CCDC146: variants seen among roughly 807,000 people sequenced by gnomAD.
The protein encoded by CCDC146 is coiled-coil domain-containing protein 146.
In CCDC146, 92 loss-of-function variants were observed where a neutral mutation model predicts 119.3. The observed-to-expected ratio is 0.77, with a 90% CI of 0.65 to 0.92. CCDC146 has a LOEUF of 0.92. CCDC146 is among the 40% of genes least tolerant of loss of function. CCDC146 has a pLI of 0.00. For synonymous variants in CCDC146, 372 were observed against 371.8 expected (o/e 1.00, Z -0.01); for missense variants, 1,000 against 1,103.0 (o/e 0.91, Z 1.32).
At chr7:77,206,747 GTATGT>G (rs1171822792) in intron 2 of CCDC146, among the ~76,000 whole-genome samples, 3 of 149,572 alleles carry the variant, frequency 2.0e-5, no homozygotes, top group African/African-American at 7.4e-5. Context: ...TTTATATATT[GTATGT>G]TATATGTCAT....
chr7:77,200,042 T>C (rs1474819279), intron 2 of CCDC146, among the ~76,000 whole-genome samples: 1 of 152,236 alleles, frequency 6.6e-6, no homozygotes, highest in Non-Finnish European at 1.5e-5. Flanking sequence ...CCAACAAGAT[T>C]CACTTTCATA....
In CCDC146 at chr7:77,267,432, G is replaced by A. The variant is rs75591198; in HGVS notation, c.1173+5125G>A. Among the ~76,000 whole-genome samples, 144 of 152,140 alleles carry A rather than the reference G, an allele frequency of 9.5e-4. No individual in the cohort carries two copies. In the East Asian group the frequency reaches 0.025, roughly 27 times the overall value. On this transcript the variant is annotated intron_variant, in intron 9 of 18. Transcript: ENST00000285871. The stretch of plus-strand genomic sequence containing the variant: ...AATCAAGTCATCTTCCTAATCAAGC[G>A]CTGTTTCTTCAGCCAGTTCTTTTGG...
chr7:77,158,980 T>C (rs1397544281), intron 1 of CCDC146, among the ~76,000 whole-genome samples: 2 of 152,142 alleles, frequency 1.3e-5, no homozygotes, highest in East Asian at 1.9e-4. Flanking sequence ...TTTCCTTTTT[T>C]AAAAAAACAC....
intron 1 of CCDC146, among the ~76,000 whole-genome samples, chr7:77,146,598 A>C (rs1279459939): frequency 2.0e-5 from 3 of 152,166 alleles, no homozygotes; most frequent in South Asian, 4.1e-4. Context: ...CTTTTAGGGA[A>C]AGCCTGGTGG....
chr7:77,286,577 C>T (rs978754047), intron 15 of CCDC146, among the ~76,000 whole-genome samples: 5 of 152,168 alleles, frequency 3.3e-5, no homozygotes, highest in African/African-American at 7.2e-5. Flanking sequence ...ACTGCCTCAC[C>T]TCATATGATC....
intron 2 of CCDC146, among the ~76,000 whole-genome samples, chr7:77,233,028 A>G (rs1792661349): frequency 6.6e-6 from 1 of 151,708 alleles, no homozygotes; most frequent in African/African-American, 2.4e-5. Flanking sequence ...ATTTCCAGAG[A>G]CTTTAAATGG....
intron 9 of CCDC146, among the ~76,000 whole-genome samples, chr7:77,265,096 C>T (rs1184377879): frequency 1.3e-5 from 2 of 152,134 alleles, no homozygotes; most frequent in Non-Finnish European, 2.9e-5. Flanking sequence ...CATCTTAGCC[C>T]GAAGCACAGC....
chr7:77,184,527 T>C (rs180758503), intron 2 of CCDC146, among the ~76,000 whole-genome samples: 386 of 152,340 alleles, frequency 2.5e-3, no homozygotes, highest in African/African-American at 8.7e-3. Flanking sequence ...TACTTGTAAA[T>C]GACACATTCT....
intron 1 of CCDC146, among the ~76,000 whole-genome samples, chr7:77,134,188 C>G (rs1190224880): frequency 4.0e-5 from 6 of 151,670 alleles, no homozygotes; most frequent in Non-Finnish European, 7.4e-5. Context: ...AAAAGTGGAC[C>G]CATGCTGTTC....
rs141371861 is a variant in CCDC146, at chr7:77,268,266, A to G, written c.1174-5428A>G. Among the ~76,000 whole-genome samples, 177 of 152,316 alleles carry G rather than the reference A, an allele frequency of 1.2e-3. 2 individuals carry two copies. In the East Asian group the frequency reaches 0.031, roughly 27 times the overall value. On this transcript the variant is annotated intron_variant, in intron 9 of 18. Transcript: ENST00000285871. Reference sequence around the variant, plus strand: ...TTGGACAATGTTCATGTTTTTGTCTATGTTCAAATACAGTTATGGAGTGGC... The same window carrying G: ...TTGGACAATGTTCATGTTTTTGTCTGTGTTCAAATACAGTTATGGAGTGGC...
intron 15 of CCDC146, among the ~76,000 whole-genome samples, chr7:77,283,529 G>T (rs1029225817): frequency 2.0e-5 from 3 of 151,920 alleles, no homozygotes; most frequent in Admixed American, 6.6e-5. Flanking sequence ...TTTGCGTTTG[G>T]ATTTTTTTTC....
chr7:77,213,953 G>T (rs1415764064), intron 2 of CCDC146, among the ~76,000 whole-genome samples: 1 of 152,124 alleles, frequency 6.6e-6, no homozygotes, highest in Non-Finnish European at 1.5e-5. Flanking sequence ...CTTTTTGATA[G>T]AATGATTTCT....
intron 1 of CCDC146, among the ~76,000 whole-genome samples, chr7:77,136,938 T>C (rs1240988206): frequency 1.3e-5 from 2 of 152,182 alleles, no homozygotes; most frequent in African/African-American, 2.4e-5. Flanking sequence ...TATGCAAGGC[T>C]GGTTCAACAC....
chr7:77,217,586 T>C (rs1792324763), intron 2 of CCDC146, among the ~76,000 whole-genome samples: 1 of 151,806 alleles, frequency 6.6e-6, no homozygotes. Context: ...GAGAGTTATA[T>C]AAATATATAG....
intron 4 of CCDC146, among the ~76,000 whole-genome samples, chr7:77,250,083 C>G (rs1793029820): frequency 6.6e-6 from 1 of 152,166 alleles, no homozygotes; most frequent in African/African-American, 2.4e-5. Flanking sequence ...TTTTAAGTAA[C>G]AAAATAGTCC....
intron 9 of CCDC146, among the ~76,000 whole-genome samples, chr7:77,266,271 C>G (rs994611049): frequency 3.3e-5 from 5 of 152,170 alleles, no homozygotes; most frequent in Admixed American, 1.3e-4. Context: ...AGTTTTCTAG[C>G]AATTTCATCT....
Position 77,196,621 on chromosome 7 carries a change from G to A in CCDC146, c.156+28797G>A. ...AGTTACCAACGTGTAAACGATATTT[G>A]AGAAACTCATTAGCCACATAAAACT... On this transcript the variant is annotated intron_variant, in intron 2 of 18. Transcript: ENST00000285871. The surrounding 1 kb of genome is among the most constrained non-coding windows in gnomAD (Gnocchi z 4.2). 6.2e-7 allele frequency: 1 copy of A among 1,614,024 alleles called. No individual in the cohort carries two copies. The highest frequency in any genetic ancestry group is 8.5e-7 in the Non-Finnish European group (1 of 1,179,924).
chr7:77,234,312 G>A (rs921433224), intron 2 of CCDC146, among the ~76,000 whole-genome samples: 6 of 149,810 alleles, frequency 4.0e-5, no homozygotes, highest in Non-Finnish European at 8.9e-5. Context: ...TGTATACTTT[G>A]GGAAACCAAT....
chr7:77,259,980 GT>G, intron 7 of CCDC146, 28 bp from the exon 8 acceptor site: 1 of 769,932 alleles, frequency 1.3e-6, no homozygotes, highest in East Asian at 2.6e-5. Context: ...GTGTGTGTGT[GT>G]GTGTGTGTGT....
Sources: gnomAD v4.1 joint callset for allele counts (sites outside exome capture counted in the v4.1 genomes callset) on GRCh38, gnomAD v4.1.1 for gene constraint, Gnocchi (gnomAD v3.1) non-coding constraint, MANE v1.5 for transcripts, NCBI Gene and HGNC (gene_info 2026-07-23, HGNC 2026-07-21) for gene names.